The following NRG1 variants were observed in gnomAD, a reference collection of about 807,000 sequenced individuals.
The protein encoded by NRG1 is neuregulin 1.
In NRG1, 18 loss-of-function variants were observed where a neutral mutation model predicts 63.8. That is an observed-to-expected ratio of 0.28 (90% CI 0.19 to 0.42). The LOEUF (loss-of-function observed/expected upper bound fraction) is 0.42. NRG1 is among the 10% of genes least tolerant of loss of function. The probability of loss-of-function intolerance (pLI) is 1.00; values close to 1 mark genes in which losing one functional copy is unlikely to be tolerated. For missense variants in NRG1, 762 were observed against 814.7 expected, an observed-to-expected ratio of 0.94 and a Z score of 0.79; for synonymous variants, 302 against 301.3, an observed-to-expected ratio of 1.00 and a Z score of -0.02.
At chr8:32,729,825 G>A (rs781628218) in intron 6 of NRG1, among the ~76,000 whole-genome samples, 1 of 152,136 alleles carries the variant, frequency 6.6e-6, no homozygotes, top group Non-Finnish European at 1.5e-5. Flanking sequence ...TCTGAGCTGT[G>A]GTAGATTGGG....
chr8:32,465,602 G>A (rs1444530587), intron 1 of NRG1, among the ~76,000 whole-genome samples: 7 of 152,104 alleles, frequency 4.6e-5, no homozygotes, highest in African/African-American at 1.2e-4. Flanking sequence ...AAACACCAGC[G>A]AGCTTTCTGG....
Position 32,575,220 on chromosome 8 carries a change from C to T in NRG1, c.101-20608C>T, listed in dbSNP as rs1450473460. 2.6e-5 allele frequency among the ~76,000 whole-genome samples: 4 copies of T among 152,118 alleles called. No homozygotes were observed. In the South Asian group the frequency reaches 6.2e-4, roughly 24 times the overall value. ...CATAGACATTCATGATAGGCATTGC[C>T]ATTCTTCATGATATGTCATTCTTGG... On this transcript the variant is annotated intron_variant, in intron 1 of 11. Coordinates refer to ENST00000356819, the Ensembl canonical transcript of NRG1.
At chr8:32,366,214 C>G (rs1221832405) in intron 1 of NRG1, among the ~76,000 whole-genome samples, 1 of 152,078 alleles carries the variant, frequency 6.6e-6, no homozygotes, top group African/African-American at 2.4e-5. Flanking sequence ...CAATCCAAAT[C>G]TCTCCTAGAT....
chr8:32,414,854 G>T (rs1332592678), intron 1 of NRG1, among the ~76,000 whole-genome samples: 2 of 152,124 alleles, frequency 1.3e-5, no homozygotes, highest in African/African-American at 4.8e-5. Flanking sequence ...GTTGAATCTA[G>T]GTTTAGGAGT....
intron 1 of NRG1, among the ~76,000 whole-genome samples, chr8:32,541,196 C>T (rs1367282123): frequency 1.3e-5 from 2 of 151,786 alleles, no homozygotes; most frequent in Non-Finnish European, 2.9e-5. Flanking sequence ...GCTTTCACCT[C>T]GAAACTAAAA....
chr8:32,384,298 A>C (rs184677164), intron 1 of NRG1, among the ~76,000 whole-genome samples: 1 of 152,356 alleles, frequency 6.6e-6, no homozygotes, highest in Admixed American at 6.5e-5. Flanking sequence ...AATATAAAAG[A>C]GCAATACTAA....
intron 1 of NRG1, among the ~76,000 whole-genome samples, chr8:32,096,535 A>T (rs2131319447): frequency 6.6e-6 from 1 of 152,290 alleles, no homozygotes; most frequent in South Asian, 2.1e-4. Flanking sequence ...TATAAAGAAA[A>T]ATATTTATTT....
intron 1 of NRG1, among the ~76,000 whole-genome samples, chr8:31,906,120 G>A (rs1355783620): frequency 1.3e-5 from 2 of 152,254 alleles, no homozygotes; most frequent in African/African-American, 4.8e-5. Context: ...CCCAACTCAA[G>A]GTCTCCCATG....
chr8:32,048,442 CATACATAT>C (rs1355884792), intron 1 of NRG1, among the ~76,000 whole-genome samples: 2,994 of 134,828 alleles, frequency 0.022, 103 homozygotes, highest in African/African-American at 0.067. Context: ...CACATATATA[CATACATAT>C]ATATATATAT....
intron 1 of NRG1, among the ~76,000 whole-genome samples, chr8:32,446,670 A>AG (rs10690261): frequency 2.6e-5 from 4 of 151,464 alleles, no homozygotes; most frequent in Admixed American, 6.6e-5. Flanking sequence ...CAAAAAAAAA[A>AG]GGAAGATTGA....
intron 1 of NRG1, among the ~76,000 whole-genome samples, chr8:31,659,649 C>A (rs753994171): frequency 2.0e-5 from 3 of 152,084 alleles, no homozygotes; most frequent in Non-Finnish European, 4.4e-5. Flanking sequence ...AAACAAACTC[C>A]CCAATCTGCC....
chr8:32,562,797 G>A (rs1162757782), intron 1 of NRG1, among the ~76,000 whole-genome samples: 1 of 152,130 alleles, frequency 6.6e-6, no homozygotes, highest in Non-Finnish European at 1.5e-5. Context: ...GCACTGTTCT[G>A]GGCAGCAGTC....
rs5890595 is a variant in NRG1 at position 31,693,497 on chromosome 8, T to TAAA, written c.37+54076_37+54078dup. Among the ~76,000 whole-genome samples the TAAA allele has an allele frequency of 2.0e-3, 298 of 145,410 alleles. 1 individual carries two copies. Among genetic ancestry groups the TAAA allele is most frequent in the South Asian group, 0.014 (65 of 4,608 alleles). Reference sequence around the variant, plus strand: ...TTACAGTTATTTCTCTAAAATGCAGTAAAAAAAAAAAAGAATGCCTAGCAA... The same window carrying TAAA: ...TTACAGTTATTTCTCTAAAATGCAGTAAAAAAAAAAAAAAAGAATGCCTAGCAA... On this transcript the variant is annotated intron_variant, in intron 1 of 10. Transcript: ENST00000519301.
intron 1 of NRG1, among the ~76,000 whole-genome samples, chr8:32,020,589 T>C (rs1475672070): frequency 6.6e-6 from 1 of 152,212 alleles, no homozygotes; most frequent in Non-Finnish European, 1.5e-5. Context: ...ATGTTATTAA[T>C]TCTCTAGTGA....
chr8:31,818,002 A>G (rs911986319), intron 1 of NRG1, among the ~76,000 whole-genome samples: 1 of 152,198 alleles, frequency 6.6e-6, no homozygotes, highest in Non-Finnish European at 1.5e-5. Context: ...TTGAGTGATA[A>G]AGAACTGATT....
At chr8:32,490,202 G>A (rs1305239708) in intron 1 of NRG1, among the ~76,000 whole-genome samples, 1 of 152,018 alleles carries the variant, frequency 6.6e-6, no homozygotes, top group Non-Finnish European at 1.5e-5. Context: ...CTACAGGGGA[G>A]TCTGAGGTAG....
At chr8:31,703,832 A>T (rs1810866617) in intron 1 of NRG1, among the ~76,000 whole-genome samples, 1 of 152,238 alleles carries the variant, frequency 6.6e-6, no homozygotes, top group Non-Finnish European at 1.5e-5. Flanking sequence ...TTATTGCCAC[A>T]GAGGAAAAGA....
chr8:32,725,739 G>T (rs1269794251), intron 5 of NRG1, among the ~76,000 whole-genome samples: 1 of 151,890 alleles, frequency 6.6e-6, no homozygotes, highest in Non-Finnish European at 1.5e-5. Flanking sequence ...CTCCCAAAGT[G>T]CTGGGATTAC....
chr8:31,690,352 G>A (rs970042555), intron 1 of NRG1, among the ~76,000 whole-genome samples: 4 of 152,176 alleles, frequency 2.6e-5, no homozygotes, highest in Admixed American at 1.3e-4. Context: ...GTCAGAGTAC[G>A]CTTCATTAGG....
Sources: gnomAD v4.1 joint callset for allele counts (sites outside exome capture counted in the v4.1 genomes callset) on GRCh38, gnomAD v4.1.1 for gene constraint, MANE v1.5 for transcripts, NCBI Gene and HGNC (gene_info 2026-07-23, HGNC 2026-07-21) for gene names.